SYT1: variants seen among roughly 807,000 people sequenced by gnomAD.
SYT1 encodes synaptotagmin-1.
In SYT1, 8 loss-of-function variants were observed where a neutral mutation model predicts 44.8. That is an observed-to-expected ratio of 0.18 (90% CI 0.10 to 0.32). The LOEUF (loss-of-function observed/expected upper bound fraction) is 0.32, where lower values mean the gene tolerates loss of function less well. Among genes scored for constraint, SYT1 ranks in the 10% least tolerant of loss-of-function variants. The probability of loss-of-function intolerance (pLI) is 1.00; values close to 1 mark genes in which losing one functional copy is unlikely to be tolerated. For synonymous variants in SYT1, 154 were observed against 188.8 expected, an observed-to-expected ratio of 0.82 and a Z score of 1.51; for missense variants, 286 against 509.3, an observed-to-expected ratio of 0.56 and a Z score of 4.22.
intron 2 of SYT1, among the ~76,000 whole-genome samples, chr12:78,997,634 C>A (rs1870465389): frequency 1.3e-5 from 2 of 151,342 alleles, no homozygotes; most frequent in Admixed American, 1.3e-4. Context: ...AATTATGTAT[C>A]TTTCCCCTTT....
intron 9 of SYT1, among the ~76,000 whole-genome samples, chr12:79,415,860 G>A (rs562878389): frequency 6.6e-6 from 1 of 152,296 alleles, no homozygotes; most frequent in Non-Finnish European, 1.5e-5. Context: ...GAAAGAAAGT[G>A]CTGAGTAATG....
intron 3 of SYT1, among the ~76,000 whole-genome samples, chr12:79,049,915 G>T (rs1028328490): frequency 2.6e-5 from 4 of 151,914 alleles, no homozygotes. Flanking sequence ...AAAGGTTTTT[G>T]TGCTTAAGAA....
intron 9 of SYT1, among the ~76,000 whole-genome samples, chr12:79,365,560 G>C (rs1883505602): frequency 6.6e-6 from 1 of 152,038 alleles, no homozygotes; most frequent in Non-Finnish European, 1.5e-5. Context: ...AACAGATCAA[G>C]TATTAATATC....
At chr12:78,891,299 T>C (rs1875039316) in intron 1 of SYT1, among the ~76,000 whole-genome samples, 1 of 151,890 alleles carries the variant, frequency 6.6e-6, no homozygotes, top group African/African-American at 2.4e-5. Flanking sequence ...TATATTATCA[T>C]CCACATTTTG....
intron 2 of SYT1, among the ~76,000 whole-genome samples, chr12:78,993,683 A>T (rs1267368142): frequency 6.6e-6 from 1 of 152,244 alleles, no homozygotes; most frequent in Non-Finnish European, 1.5e-5. Flanking sequence ...TACATGAACC[A>T]TATGAAATTG....
At chr12:79,188,599 A>G (rs1872933322) in intron 3 of SYT1, among the ~76,000 whole-genome samples, 1 of 152,110 alleles carries the variant, frequency 6.6e-6, no homozygotes, top group African/African-American at 2.4e-5. Context: ...GCCATAAATA[A>G]GGCTTTATTC....
Position 79,450,659 on chromosome 12 carries a change from C to G in SYT1, c.*1535C>G, listed in dbSNP as rs143237747. The G allele has an allele frequency of 5.2e-5, 8 of 152,754 alleles. No homozygotes were observed. The East Asian group carries it at 1.4e-3, about 26-fold the overall frequency. The allele number at this position is 152,754 out of a possible 1,614,324, so 9.5% of individuals were successfully genotyped here. On this transcript the variant is annotated 3_prime_UTR_variant, in exon 11 of 11. Coordinates refer to ENST00000261205, the MANE Select transcript of SYT1 (RefSeq NM_005639.3). ...AATTTATTCCGTAGTGATATTGTAA[C>G]AATACTGCCATTCCCTTCTACTGCA...
chr12:79,432,890 G>A (rs1363781674), intron 9 of SYT1, among the ~76,000 whole-genome samples: 1 of 152,104 alleles, frequency 6.6e-6, no homozygotes, highest in East Asian at 1.9e-4. Context: ...GGGATTACAG[G>A]TGTGAGCCAC....
chr12:79,412,047 T>C (rs1277628961), intron 9 of SYT1, among the ~76,000 whole-genome samples: 2 of 152,150 alleles, frequency 1.3e-5, no homozygotes, highest in Non-Finnish European at 2.9e-5. Flanking sequence ...GAAAGTTTAT[T>C]AAAAAGCTTT....
At chr12:79,234,608 C>T (rs753492854) in intron 4 of SYT1, among the ~76,000 whole-genome samples, 5 of 152,062 alleles carry the variant, frequency 3.3e-5, no homozygotes, top group African/African-American at 4.8e-5. Flanking sequence ...TGCTGAGTAG[C>T]ATTTCATTGA....
intron 3 of SYT1, among the ~76,000 whole-genome samples, chr12:79,112,090 C>T (rs920757153): frequency 6.7e-6 from 1 of 150,280 alleles, no homozygotes; most frequent in African/African-American, 2.4e-5. Flanking sequence ...AGAGAGTCAA[C>T]AGTTAGTTGG....
At chr12:79,038,923 A>C (rs1403172268) in intron 2 of SYT1, among the ~76,000 whole-genome samples, 1 of 152,050 alleles carries the variant, frequency 6.6e-6, no homozygotes, top group Non-Finnish European at 1.5e-5. Context: ...CCTGGATGTA[A>C]ATATGAGTTG....
At chr12:78,974,583 C>T (rs1868672294) in intron 1 of SYT1, among the ~76,000 whole-genome samples, 1 of 151,864 alleles carries the variant, frequency 6.6e-6, no homozygotes, top group East Asian at 1.9e-4. Context: ...ACTACAGCCA[C>T]CCGCCACCAT....
chr12:79,379,456 T>G (rs1378534884), intron 9 of SYT1, among the ~76,000 whole-genome samples: 2 of 152,172 alleles, frequency 1.3e-5, no homozygotes, highest in African/African-American at 4.8e-5. Context: ...GGGTTTTTGT[T>G]AATCATTTTA....
At chr12:79,372,464 T>G (rs1211747611) in intron 9 of SYT1, among the ~76,000 whole-genome samples, 1 of 152,244 alleles carries the variant, frequency 6.6e-6, no homozygotes, top group Non-Finnish European at 1.5e-5. Context: ...GTGATTCCTA[T>G]GATGGACACT....
At chr12:78,963,964 C>T (rs1879644051) in intron 1 of SYT1, 1 of 152,208 alleles carries the variant, frequency 6.6e-6, no homozygotes, top group African/African-American at 2.4e-5. Context: ...GTAGTATATA[C>T]ATACAATGGA....
chr12:79,356,358 C>A (rs1883112275), intron 9 of SYT1, among the ~76,000 whole-genome samples: 1 of 152,018 alleles, frequency 6.6e-6, no homozygotes, highest in African/African-American at 2.4e-5. Context: ...TTCTCTCTCA[C>A]TAGACTGTGT....
intron 1 of SYT1, among the ~76,000 whole-genome samples, chr12:78,966,730 T>C (rs1399379569): frequency 6.6e-6 from 1 of 152,182 alleles, no homozygotes; most frequent in African/African-American, 2.4e-5. Flanking sequence ...ATCCTTTTGA[T>C]ATGATGTTGG....
chr12:79,243,213 G>A (rs943058618), intron 4 of SYT1, among the ~76,000 whole-genome samples: 1 of 152,138 alleles, frequency 6.6e-6, no homozygotes, highest in African/African-American at 2.4e-5. Context: ...AGATTTGAGT[G>A]GGGACACAGT....
Sources: gnomAD v4.1 joint callset for allele counts (sites outside exome capture counted in the v4.1 genomes callset) on GRCh38, gnomAD v4.1.1 for gene constraint, MANE v1.5 for transcripts, NCBI Gene and HGNC (gene_info 2026-07-23, HGNC 2026-07-21) for gene names.